Variants in DHX40 observed in about 807,000 individuals in gnomAD.
DHX40 encodes the protein probable ATP-dependent RNA helicase DHX40.
A neutral mutation model predicts 89.6 loss-of-function variants in DHX40; 28 were observed. The ratio of observed to expected loss-of-function variants is 0.31; its 90% CI spans 0.23 to 0.43. The LOEUF is 0.43. Among genes scored for constraint, DHX40 ranks in the 20% least tolerant of loss-of-function variants. The pLI is 1.00. For missense variants in DHX40, 457 were observed against 844.0 expected (o/e 0.54, Z 5.68); for synonymous variants, 226 against 283.6 (o/e 0.80, Z 2.04).
chr17:59,572,647 G>T (rs1598141165), intron 3 of DHX40, among the ~76,000 whole-genome samples: 1 of 152,162 alleles, frequency 6.6e-6, no homozygotes, highest in African/African-American at 2.4e-5. Context: ...CCAAAGTGCT[G>T]GGATTACAGG....
intron 4 of DHX40, 52 bp from the exon 5 acceptor site, chr17:59,573,688 G>C (rs1315065781): frequency 1.3e-6 from 2 of 1,567,428 alleles, no homozygotes; most frequent in Non-Finnish European, 8.7e-7. Context: ...ATCTAAAATA[G>C]TTTGGCTGTT....
Position 59,582,398 on chromosome 17 carries a change from G to A in DHX40, c.1343+2519G>A, listed in dbSNP as rs2048956746. Among the ~76,000 whole-genome samples, 2 of 123,654 alleles carry A rather than the reference G, an allele frequency of 1.6e-5. 1 individual carries two copies. The highest frequency in any genetic ancestry group is 3.2e-5 in the Non-Finnish European group (2 of 62,798). 81.1% of individuals were successfully genotyped at this position (123,654 alleles called of 152,430 possible). ...GATTCATAGACGACAGAAAGAAAAT[G>A]GATCTTCTCAATTATTATTTTGCTT... On this transcript the variant is annotated intron_variant, in intron 10 of 17. Coordinates refer to ENST00000251241, the MANE Select transcript of DHX40 (RefSeq NM_024612.5).
intron 11 of DHX40, among the ~76,000 whole-genome samples, chr17:59,586,706 C>T (rs1343177715): frequency 6.6e-6 from 1 of 151,854 alleles, no homozygotes; most frequent in Non-Finnish European, 1.5e-5. Context: ...GGTATAATCC[C>T]TTTTGTTTAA....
Position 59,586,272 on chromosome 17 carries a change from T to C in DHX40, c.1424+39T>C, listed in dbSNP as rs971408839. On this transcript the variant is annotated intron_variant, in intron 11 of 17. Transcript: ENST00000251241. The stretch of plus-strand genomic sequence containing the variant: ...AAAAAAATCACAATCAAAACAGATA[T>C]TGATCTCTTTTTAAACAGGGCTCTA... The C allele has an allele frequency of 5.6e-6, 8 of 1,418,006 alleles. No homozygotes were observed. The African/African-American group carries it at 5.9e-5, about 10-fold the overall frequency. 87.8% of individuals were successfully genotyped at this position (1,418,006 alleles called of 1,614,324 possible).
chr17:59,575,468 A>G lies in DHX40; in HGVS notation c.970A>G (p.Thr324Ala), dbSNP rs2048867880. Residue 324 changes from threonine to alanine, a missense_variant, in exon 7 of 18, where the codon ACA (threonine) becomes GCA (alanine). By Grantham distance (58) the Thr-to-Ala change is moderately conservative (BLOSUM62 0). Transcript: ENST00000251241. ...ATTGCCGTGTTATGGATCAATGACA[A>G]CAGGTAATTTCTCATTAGAATAGAA... ...LILPCYGSMT[T>A]DQQRRIFLPP... is the part of the protein sequence containing the mutation. 1.2e-5 allele frequency: 19 copies of G among 1,611,524 alleles called. No individual in the cohort carries two copies. Among genetic ancestry groups the G allele is most frequent in the Non-Finnish European group, 1.6e-5 (19 of 1,179,196 alleles).
intron 3 of DHX40, among the ~76,000 whole-genome samples, chr17:59,571,397 C>T (rs369850400): frequency 3.3e-5 from 5 of 149,378 alleles, no homozygotes; most frequent in East Asian, 4.0e-4. Context: ...GCGGAGGTTG[C>T]GGTGAGCTGA....
At chr17:59,595,429 C>G (rs371025784) in intron 12 of DHX40, among the ~76,000 whole-genome samples, 2 of 152,102 alleles carry the variant, frequency 1.3e-5, no homozygotes, top group East Asian at 1.9e-4. Context: ...ATTTGTGACA[C>G]TTTGAAAAAA....
Position 59,580,975 on chromosome 17 carries a change from C to T in DHX40, c.1343+1096C>T, listed in dbSNP as rs930040103. ...CACGTGATTGTAGTCCCAGCTACTC[C>T]GGAGGCTGAAGCACGAGAATCACTT... is the stretch of plus-strand genomic sequence containing the variant. On this transcript the variant is annotated intron_variant, in intron 10 of 17. Transcript: ENST00000251241. 2.8e-4 allele frequency among the ~76,000 whole-genome samples: 42 copies of T among 149,918 alleles called. 1 individual carries two copies. The highest frequency in any genetic ancestry group is 9.0e-4 in the African/African-American group (36 of 40,190).
At chr17:59,570,201 A>G (rs2048782176) in intron 2 of DHX40, among the ~76,000 whole-genome samples, 1 of 123,012 alleles carries the variant, frequency 8.1e-6, no homozygotes, top group Non-Finnish European at 1.6e-5. Flanking sequence ...ATAATATATT[A>G]TAATATATAT....
At chr17:59,571,678 C>T (rs1459203951) in intron 3 of DHX40, among the ~76,000 whole-genome samples, 2 of 151,690 alleles carry the variant, frequency 1.3e-5, no homozygotes, top group African/African-American at 4.8e-5. Flanking sequence ...GCAACCTCTG[C>T]CTCCCAGGTT....
At chr17:59,595,423 G>C (rs2143325530) in intron 12 of DHX40, among the ~76,000 whole-genome samples, 1 of 152,138 alleles carries the variant, frequency 6.6e-6, no homozygotes, top group East Asian at 1.9e-4. Context: ...TCGGAGATTT[G>C]TGACACTTTG....
chr17:59,586,180 G>A lies in DHX40; in HGVS notation c.1371G>A (p.Glu457=), dbSNP rs2048993381. ...TTCCCTATTTGGATCCACCTAATGA[G>A]AGACTTATTTTAGAAGCTCTTAAAC... The part of the protein sequence containing the change: ...IRFPYLDPPN[E]RLILEALKQL... The change falls in exon 11 of 18, where the codon GAG becomes GAA. Residue 457 remains glutamate, a synonymous_variant. Transcript: ENST00000251241. 8.8e-6 allele frequency: 14 copies of A among 1,593,232 alleles called. No homozygotes were observed. Among genetic ancestry groups the A allele is most frequent in the Non-Finnish European group, 1.2e-5 (14 of 1,169,720 alleles).
chr17:59,570,119 T>C (rs2048775531), intron 2 of DHX40, among the ~76,000 whole-genome samples: 2 of 130,944 alleles, frequency 1.5e-5, no homozygotes, highest in African/African-American at 5.9e-5. Flanking sequence ...TATATTATAA[T>C]GTATATTTAT....
intron 3 of DHX40, among the ~76,000 whole-genome samples, chr17:59,571,512 T>G (rs2143214220): frequency 6.6e-6 from 1 of 151,864 alleles, no homozygotes; most frequent in African/African-American, 2.4e-5. Flanking sequence ...CATTTCTACT[T>G]TCAGAACTTT....
chr17:59,603,780 A>G (rs898261828), intron 15 of DHX40: 3 of 152,204 alleles, frequency 2.0e-5, no homozygotes, highest in African/African-American at 7.2e-5. Flanking sequence ...AAATCAAGCA[A>G]TCAAAGTGAA....
At chr17:59,570,485 ATTG>A (rs1567859248) in intron 2 of DHX40, 30 bp from the exon 3 acceptor site, 1 of 1,569,560 alleles carries the variant, frequency 6.4e-7, no homozygotes, top group African/African-American at 1.4e-5. Flanking sequence ...AATTGCTAAC[ATTG>A]TTGTGTTTCT....
At chr17:59,597,150 C>CA (rs2143333758) in intron 12 of DHX40, among the ~76,000 whole-genome samples, 1 of 87,406 alleles carries the variant, frequency 1.1e-5, no homozygotes, top group East Asian at 2.9e-4. Context: ...CAAGAGAAAA[C>CA]AGACACATCA....
chr17:59,565,650 G>T lies in DHX40; in HGVS notation c.-22G>T, dbSNP rs539586927. On this transcript the variant is annotated 5_prime_UTR_variant, in exon 1 of 18. Transcript: ENST00000251241. ...TCTCCTCAGATCGGTGGACGTGCTC[G>T]CCTCCACTCGGGGCCAGGTCTATGT... 7.5e-6 allele frequency: 12 copies of T among 1,589,838 alleles called. No individual in the cohort carries two copies. The African/African-American group carries it at 1.2e-4, about 16-fold the overall frequency.
chr17:59,575,444 T>A lies in DHX40; in HGVS notation c.946T>A (p.Leu316Met). The change falls in exon 7 of 18, where the codon TTG (leucine) becomes ATG (methionine). Residue 316 changes from leucine to methionine, a missense_variant. By Grantham distance (15) the Leu-to-Met change is conservative. This residue lies in a region of DHX40 where 116 missense variants were observed against 188.9 expected (regional missense o/e 0.61). Coordinates refer to ENST00000251241, the MANE Select transcript of DHX40 (RefSeq NM_024612.5). ...TACCACCCTCGATGGCTTGTTAATA[T>A]TGCCGTGTTATGGATCAATGACAAC... ...QDTTLDGLLILPCYGSMTTDQ... is the reference protein window; with the variant it reads ...QDTTLDGLLIMPCYGSMTTDQ... The A allele has an allele frequency of 6.2e-7, 1 of 1,613,018 alleles. No homozygotes were observed. Among genetic ancestry groups the A allele is most frequent in the Non-Finnish European group, 8.5e-7 (1 of 1,179,582 alleles).
Sources: allele counts gnomAD v4.1 joint callset (sites outside exome capture counted in the v4.1 genomes callset), GRCh38; gene constraint gnomAD v4.1.1; regional missense constraint gnomAD v4.1.1; transcripts MANE v1.5; gene names NCBI Gene and HGNC (gene_info 2026-07-23, HGNC 2026-07-21).